Variants in SCAND3 observed in about 807,000 individuals in gnomAD.
The protein encoded by SCAND3 is SCAN domain containing 3.
the SCAND3 span, chr6:28,576,079 C>T: frequency 6.2e-7 from 1 of 1,612,126 alleles, no homozygotes; most frequent in Admixed American, 1.7e-5. Context: ...AGTATCTAAG[C>T]TACTGAGGTT....
At chr6:28,572,658 T>C in the SCAND3 span, 1 of 1,613,744 alleles carries the variant, frequency 6.2e-7, no homozygotes, top group Non-Finnish European at 8.5e-7. The surrounding 1 kb of genome is among the most constrained non-coding windows in gnomAD (Gnocchi z 4.1). Context: ...ACACTAAGAG[T>C]TCATTTCGTA....
the SCAND3 span, chr6:28,591,565 A>C: frequency 6.6e-6 from 1 of 152,104 alleles, no homozygotes; most frequent in South Asian, 2.1e-4. Context: ...AATCCTATCA[A>C]GTTTCTCTTT....
the SCAND3 span, among the ~76,000 whole-genome samples, chr6:28,581,999 C>T: frequency 6.6e-6 from 1 of 152,188 alleles, no homozygotes; most frequent in Non-Finnish European, 1.5e-5. Context: ...TATTCAACAA[C>T]ACTAAGAGAT....
the SCAND3 span, among the ~76,000 whole-genome samples, chr6:28,594,437 C>A: frequency 2.6e-5 from 4 of 152,140 alleles, no homozygotes; most frequent in African/African-American, 9.7e-5. Flanking sequence ...GGTGGATCAC[C>A]TGAGATCAGT....
the SCAND3 span, among the ~76,000 whole-genome samples, chr6:28,605,215 C>G: frequency 6.6e-6 from 1 of 152,194 alleles, no homozygotes; most frequent in Non-Finnish European, 1.5e-5. Flanking sequence ...GTTCTCACAG[C>G]TATGGCTTTG....
At chr6:28,573,569 A>G in the SCAND3 span, 1 of 1,613,234 alleles carries the variant, frequency 6.2e-7, no homozygotes, top group Non-Finnish European at 8.5e-7. Context: ...TTAAGTTTTG[A>G]TGGTTTCATT....
At chr6:28,606,772 C>G in the SCAND3 span, among the ~76,000 whole-genome samples, 6,200 of 152,274 alleles carry the variant, frequency 0.041, 186 homozygotes, top group Non-Finnish European at 0.062. Context: ...GGTCTTTGTT[C>G]CAAGAAAGGC....
At chr6:28,582,737 A>G in the SCAND3 span, among the ~76,000 whole-genome samples, 2 of 151,872 alleles carry the variant, frequency 1.3e-5, no homozygotes, top group African/African-American at 4.8e-5. This position sits in a 1 kb window ranked among gnomAD's most constrained non-coding sequence, Gnocchi z 4.8. Flanking sequence ...CCTGGCCAAC[A>G]TGGTGAAGCC....
the SCAND3 span, among the ~76,000 whole-genome samples, chr6:28,580,489 A>C: frequency 6.6e-6 from 1 of 152,206 alleles, no homozygotes; most frequent in African/African-American, 2.4e-5. Flanking sequence ...ATTTCAAAAA[A>C]TCATTTTCTC....
At chr6:28,595,018 T>TA in the SCAND3 span, among the ~76,000 whole-genome samples, 1 of 150,372 alleles carries the variant, frequency 6.7e-6, no homozygotes, top group Non-Finnish European at 1.5e-5. Context: ...GAAATTAAAT[T>TA]AAAAAAGAAA....
At chr6:28,578,923 A>T in the SCAND3 span, among the ~76,000 whole-genome samples, 1 of 152,212 alleles carries the variant, frequency 6.6e-6, no homozygotes, top group South Asian at 2.1e-4. Flanking sequence ...ATGTATACAC[A>T]GTCATTATGT....
At chr6:28,571,801 TC>T in the SCAND3 span, 2 of 1,387,704 alleles carry the variant, frequency 1.4e-6, no homozygotes, top group Non-Finnish European at 1.9e-6. Context: ...TTCTCATACT[TC>T]CATAACTGTA....
At chr6:28,610,735 A>G in the SCAND3 span, among the ~76,000 whole-genome samples, 1 of 152,182 alleles carries the variant, frequency 6.6e-6, no homozygotes, top group African/African-American at 2.4e-5. Flanking sequence ...CACATCATAA[A>G]TATTTACCAA....
chr6:28,590,501 G>A, the SCAND3 span: 1 of 152,234 alleles, frequency 6.6e-6, no homozygotes, highest in African/African-American at 2.4e-5. Context: ...GTTAGAATGA[G>A]GTGGGAAATG....
the SCAND3 span, among the ~76,000 whole-genome samples, chr6:28,607,733 T>C: frequency 6.6e-6 from 1 of 152,172 alleles, no homozygotes; most frequent in Non-Finnish European, 1.5e-5. Flanking sequence ...AAATGCTGTC[T>C]GTCATAGCAT....
the SCAND3 span, among the ~76,000 whole-genome samples, chr6:28,598,876 C>CAA: frequency 0.1 from 7,612 of 73,958 alleles, 484 homozygotes; most frequent in Non-Finnish European, 0.11. Flanking sequence ...GACTATGTCT[C>CAA]AAAAAAAAAA....
the SCAND3 span, among the ~76,000 whole-genome samples, chr6:28,588,274 C>G: frequency 0.18 from 27,145 of 152,192 alleles, 2,535 homozygotes; most frequent in South Asian, 0.21. This position sits in a 1 kb window ranked among gnomAD's most constrained non-coding sequence, Gnocchi z 4.1. Flanking sequence ...TGTTTCCCCC[C>G]CTAACTATCC....
chr6:28,594,895 T>G, the SCAND3 span, among the ~76,000 whole-genome samples: 1 of 150,102 alleles, frequency 6.7e-6, no homozygotes, highest in African/African-American at 2.5e-5. Flanking sequence ...GGGGTGGGAG[T>G]TGGGGAAGGA....
At chr6:28,578,911 C>T in the SCAND3 span, among the ~76,000 whole-genome samples, 1 of 152,086 alleles carries the variant, frequency 6.6e-6, no homozygotes, top group African/African-American at 2.4e-5. Context: ...ATAGTATTTC[C>T]AATGTATACA....
Sources: gnomAD v4.1 joint callset for allele counts (sites outside exome capture counted in the v4.1 genomes callset) on GRCh38, gnomAD v4.1.1 for gene constraint, Gnocchi (gnomAD v3.1) non-coding constraint, MANE v1.5 for transcripts, NCBI Gene and HGNC (gene_info 2026-07-23, HGNC 2026-07-21) for gene names.